Variants in PALLD observed in about 807,000 individuals in gnomAD.
PALLD encodes palladin, cytoskeletal associated protein.
In PALLD, 61 loss-of-function variants were observed where a neutral mutation model predicts 123.5. The ratio of observed to expected loss-of-function variants is 0.49; its 90% confidence interval spans 0.40 to 0.61. PALLD has a LOEUF of 0.61. PALLD is among the 20% of genes least tolerant of loss of function. PALLD has a pLI of 0.00. For synonymous variants in PALLD, 465 were observed against 496.4 expected (o/e 0.94, Z 0.84); for missense variants, 1,273 against 1,377.0 (o/e 0.92, Z 1.20).
chr4:168,800,610 G>C lies in PALLD; in HGVS notation c.1964+88687G>C, dbSNP rs117728571. On this transcript the variant is annotated intron_variant, in intron 10 of 21. Coordinates refer to ENST00000505667, the MANE Select transcript of PALLD (RefSeq NM_001166108.2). ...AAAAATTTAAGCCTGATAATACCAA[G>C]TTCTGGCAAGGATGTGAAGTAACAG... is the stretch of plus-strand genomic sequence containing the variant. Among the ~76,000 whole-genome samples the C allele has an allele frequency of 4.7e-4, 72 of 152,262 alleles. No individual in the cohort carries two copies. The East Asian group carries it at 0.014, about 29-fold the overall frequency.
intron 2 of PALLD, among the ~76,000 whole-genome samples, chr4:168,585,217 G>A (rs1427061599): frequency 6.6e-6 from 1 of 151,988 alleles, no homozygotes. Context: ...TTTATCAAGT[G>A]GTTTTATAAC....
rs1038623585 is a variant in PALLD, at chr4:168,631,535, A to G, written c.909-36655A>G. The G allele has an allele frequency of 2.2e-5, 18 of 836,308 alleles. No individual in the cohort carries two copies. The Admixed American group carries it at 9.3e-4, about 43-fold the overall frequency. 51.8% of individuals were successfully genotyped at this position (836,308 alleles called of 1,614,324 possible). Reference sequence around the variant, plus strand: ...CTGGAGTTTAGCAGCATTCCTCCCCAGGACACACCCTCTCCCCCTCCCCAG... The same window carrying G: ...CTGGAGTTTAGCAGCATTCCTCCCCGGGACACACCCTCTCCCCCTCCCCAG... On this transcript the variant is annotated intron_variant, in intron 2 of 21. Coordinates refer to ENST00000505667, the MANE Select transcript of PALLD (RefSeq NM_001166108.2).
chr4:168,855,719 A>G (rs140646563), intron 10 of PALLD, among the ~76,000 whole-genome samples: 6 of 152,314 alleles, frequency 3.9e-5, no homozygotes, highest in Non-Finnish European at 8.8e-5. Flanking sequence ...TTGGACACTG[A>G]ATTATTTACA....
At position 168,511,495 on chromosome 4, in the gene PALLD, C is replaced by G; in HGVS notation, c.-10C>G. On this transcript the variant is annotated 5_prime_UTR_variant, in exon 2 of 22. Coordinates refer to ENST00000505667, the MANE Select transcript of PALLD (RefSeq NM_001166108.2). ...AAAGCAGACACAGAGTGCATGAAGA[C>G]CGTTCAAATATGTCAGGGACCTCCT... is the stretch of plus-strand genomic sequence containing the variant. 6.2e-7 allele frequency: 1 copy of G among 1,608,990 alleles called. No homozygotes were observed. The highest frequency in any genetic ancestry group is 8.5e-7 in the Non-Finnish European group (1 of 1,175,650).
intron 2 of PALLD, among the ~76,000 whole-genome samples, chr4:168,595,085 C>T (rs1008150983): frequency 1.3e-5 from 2 of 152,068 alleles, no homozygotes; most frequent in African/African-American, 2.4e-5. Flanking sequence ...ATCCAAAAGA[C>T]TATGGATTAG....
chr4:168,822,551 G>T (rs1742877298), intron 10 of PALLD, among the ~76,000 whole-genome samples: 1 of 152,192 alleles, frequency 6.6e-6, no homozygotes, highest in African/African-American at 2.4e-5. Context: ...TCATTCTTCA[G>T]ACACGGAGTC....
intron 8 of PALLD, among the ~76,000 whole-genome samples, chr4:168,707,305 A>G (rs1784321559): frequency 6.6e-6 from 1 of 152,304 alleles, no homozygotes; most frequent in South Asian, 2.1e-4. Context: ...TCGGTGGGTG[A>G]ACTATTTGGC....
intron 2 of PALLD, among the ~76,000 whole-genome samples, chr4:168,514,304 C>T (rs564824566): frequency 6.6e-6 from 1 of 152,244 alleles, no homozygotes; most frequent in East Asian, 1.9e-4. Context: ...GTTTCTTAAT[C>T]TGACCTCATT....
intron 10 of PALLD, among the ~76,000 whole-genome samples, chr4:168,786,694 T>C (rs1161472846): frequency 1.3e-5 from 2 of 152,194 alleles, no homozygotes; most frequent in African/African-American, 4.8e-5. Context: ...TGTTTATGAA[T>C]ATTGGAACAT....
intron 10 of PALLD, among the ~76,000 whole-genome samples, chr4:168,789,250 G>C (rs1737172606): frequency 6.6e-6 from 1 of 152,204 alleles, no homozygotes; most frequent in African/African-American, 2.4e-5. Flanking sequence ...TAAGAGGAGA[G>C]CTCAGATCAA....
At chr4:168,511,379 G>C (rs994108882) in intron 1 of PALLD, 44 bp from the exon 2 acceptor site, 1 of 701,162 alleles carries the variant, frequency 1.4e-6, no homozygotes, top group African/African-American at 1.8e-5. Flanking sequence ...ATTAAAATGG[G>C]GAAAAAATCA....
chr4:168,586,317 GC>G (rs1469519886), intron 2 of PALLD, among the ~76,000 whole-genome samples: 13 of 152,130 alleles, frequency 8.5e-5, no homozygotes, highest in Middle Eastern at 3.4e-3. Flanking sequence ...AATTTATGTA[GC>G]AACTCCCTTC....
intron 2 of PALLD, among the ~76,000 whole-genome samples, chr4:168,520,347 A>AAAGAGAG (rs1554034660): frequency 1.2e-5 from 1 of 83,994 alleles, no homozygotes; most frequent in African/African-American, 5.4e-5. Flanking sequence ...AAAAAAAAAA[A>AAAGAGAG]AGAGAGAGAG....
At chr4:168,659,462 A>G (rs1778921882) in intron 2 of PALLD, among the ~76,000 whole-genome samples, 2 of 152,126 alleles carry the variant, frequency 1.3e-5, no homozygotes, top group Non-Finnish European at 2.9e-5. Flanking sequence ...TCCTGAAATC[A>G]CCCGTGACAT....
Position 168,676,588 on chromosome 4 carries a change from AT to A in PALLD, c.1088-4734del, listed in dbSNP as rs1005051964. Reference sequence around the variant, plus strand: ...ATTAATTATATATATTTAAAAAAAAATTTTTTTTTTGAAAAGTCTCGCTCTG... The same window carrying A: ...ATTAATTATATATATTTAAAAAAAAATTTTTTTTTGAAAAGTCTCGCTCTG... On this transcript the variant is annotated intron_variant, in intron 3 of 21. Transcript: ENST00000505667. Among the ~76,000 whole-genome samples, 40 of 148,632 alleles carry A rather than the reference AT, an allele frequency of 2.7e-4. 1 individual carries two copies. In the South Asian group the frequency reaches 2.7e-3, roughly 10 times the overall value.
At chr4:168,879,549 T>G (rs577197798) in intron 10 of PALLD, among the ~76,000 whole-genome samples, 1 of 152,370 alleles carries the variant, frequency 6.6e-6, no homozygotes, top group East Asian at 1.9e-4. Flanking sequence ...TTCATTCATC[T>G]ATAAAAGTGT....
At chr4:168,503,098 T>C (rs1761594781) in intron 1 of PALLD, among the ~76,000 whole-genome samples, 1 of 74,876 alleles carries the variant, frequency 1.3e-5, no homozygotes, top group African/African-American at 7.2e-5. Context: ...CTCCATCAGC[T>C]GCTGTAACCC....
chr4:168,898,257 A>G (rs1581992840), intron 13 of PALLD: 1 of 551,428 alleles, frequency 1.8e-6, no homozygotes, highest in Admixed American at 3.1e-5. Context: ...AAAAAAATTC[A>G]TCTTTCCTAC....
intron 10 of PALLD, among the ~76,000 whole-genome samples, chr4:168,770,043 A>T (rs969762798): frequency 3.3e-5 from 5 of 152,162 alleles, no homozygotes; most frequent in Admixed American, 3.3e-4. Flanking sequence ...TCTGTAGGAG[A>T]CAGAGGCTGA....
Sources: gnomAD v4.1 joint callset for allele counts (sites outside exome capture counted in the v4.1 genomes callset) on GRCh38, gnomAD v4.1.1 for gene constraint, MANE v1.5 for transcripts, NCBI Gene and HGNC (gene_info 2026-07-23, HGNC 2026-07-21) for gene names.